ATP8A2: variants seen among roughly 807,000 people sequenced by gnomAD.
The protein encoded by ATP8A2 is phospholipid-transporting ATPase IB.
In ATP8A2, 100 loss-of-function variants were observed where a neutral mutation model predicts 165.6. The ratio of observed to expected loss-of-function variants is 0.60; its 90% CI spans 0.51 to 0.71. The LOEUF (loss-of-function observed/expected upper bound fraction) is 0.71. ATP8A2 is among the 30% of genes least tolerant of loss of function. ATP8A2 has a pLI of 0.00. For synonymous variants in ATP8A2, 543 were observed against 548.8 expected, an observed-to-expected ratio of 0.99 and a Z score of 0.15; for missense variants, 1,227 against 1,479.5, an observed-to-expected ratio of 0.83 and a Z score of 2.80.
chr13:25,819,578 T>C (rs1951115650), intron 27 of ATP8A2, among the ~76,000 whole-genome samples: 1 of 152,150 alleles, frequency 6.6e-6, no homozygotes, highest in Non-Finnish European at 1.5e-5. Flanking sequence ...TTTATAAATT[T>C]AACATTTTAA....
chr13:25,483,151 T>G (rs2036255523), intron 2 of ATP8A2, among the ~76,000 whole-genome samples: 1 of 152,160 alleles, frequency 6.6e-6, no homozygotes, highest in Admixed American at 6.5e-5. Context: ...CAGGAAGAGG[T>G]GCAGGGCTAT....
intron 35 of ATP8A2, among the ~76,000 whole-genome samples, chr13:25,991,910 G>GT (rs1483045680): frequency 4.2e-4 from 34 of 81,884 alleles, no homozygotes; most frequent in Admixed American, 1.8e-3. Context: ...TTTACTTTTA[G>GT]GTTTTTTTTT....
chr13:25,886,590 A>G (rs1351782455), intron 33 of ATP8A2, among the ~76,000 whole-genome samples: 1 of 152,214 alleles, frequency 6.6e-6, no homozygotes, highest in Non-Finnish European at 1.5e-5. Flanking sequence ...TGTGCGCTGG[A>G]TGCCGACAGC....
At chr13:25,660,604 C>A (rs2042028579) in intron 24 of ATP8A2, among the ~76,000 whole-genome samples, 1 of 151,774 alleles carries the variant, frequency 6.6e-6, no homozygotes. Context: ...TAAAAGGGTG[C>A]TCCAGGTTAA....
intron 24 of ATP8A2, among the ~76,000 whole-genome samples, chr13:25,688,063 C>T (rs2042640449): frequency 6.6e-6 from 1 of 152,188 alleles, no homozygotes; most frequent in South Asian, 2.1e-4. Flanking sequence ...GCCTGGGATA[C>T]TCACTGCCCC....
intron 25 of ATP8A2, among the ~76,000 whole-genome samples, chr13:25,739,508 AT>A (rs1381860930): frequency 1.3e-5 from 2 of 151,972 alleles, no homozygotes; most frequent in Non-Finnish European, 2.9e-5. Flanking sequence ...TTCTCTTTTT[AT>A]TTTTTTAGCA....
At chr13:25,754,684 C>G (rs944213004) in intron 25 of ATP8A2, among the ~76,000 whole-genome samples, 1 of 152,008 alleles carries the variant, frequency 6.6e-6, no homozygotes, top group African/African-American at 2.4e-5. Context: ...CAAAAAATCC[C>G]ATTTTTAATT....
intron 1 of ATP8A2, among the ~76,000 whole-genome samples, chr13:25,381,008 A>G (rs2032817996): frequency 6.6e-6 from 1 of 152,154 alleles, no homozygotes; most frequent in South Asian, 2.1e-4. Flanking sequence ...CCTTCAGTTA[A>G]TTTTGAAAAT....
chr13:25,497,141 G>A (rs1261855591), intron 2 of ATP8A2, among the ~76,000 whole-genome samples: 1 of 152,164 alleles, frequency 6.6e-6, no homozygotes, highest in South Asian at 2.1e-4. Flanking sequence ...ATCAACACAG[G>A]TTAATCACCT....
At chr13:25,921,613 C>T (rs1321646242) in intron 33 of ATP8A2, among the ~76,000 whole-genome samples, 1 of 123,224 alleles carries the variant, frequency 8.1e-6, no homozygotes, top group African/African-American at 3.1e-5. Context: ...CAGAGCTAGA[C>T]TCTGTCTCAA....
intron 33 of ATP8A2, 151 bp from the exon 34 acceptor site, chr13:25,961,424 C>G (rs532039539): frequency 1.6e-6 from 1 of 614,562 alleles, no homozygotes. Flanking sequence ...ATCCGTCCCC[C>G]TGATGGTCCT....
chr13:25,821,493 A>G (rs2138570666), intron 27 of ATP8A2, among the ~76,000 whole-genome samples: 1 of 152,302 alleles, frequency 6.6e-6, no homozygotes, highest in African/African-American at 2.4e-5. Context: ...CAGTTATAGG[A>G]ATCTGTTATT....
intron 25 of ATP8A2, among the ~76,000 whole-genome samples, chr13:25,744,918 G>A (rs2043996459): frequency 6.7e-6 from 1 of 150,026 alleles, no homozygotes; most frequent in Admixed American, 6.6e-5. Context: ...CTAGAGCAGG[G>A]GCCCAGTTTT....
At chr13:25,850,587 AC>A (rs1342182276) in intron 30 of ATP8A2, among the ~76,000 whole-genome samples, 9 of 152,100 alleles carry the variant, frequency 5.9e-5, no homozygotes, top group Non-Finnish European at 1.2e-4. Flanking sequence ...GGCTTGGGGA[AC>A]CCAACTATTC....
At chr13:25,806,163 G>A (rs1247827887) in intron 27 of ATP8A2, among the ~76,000 whole-genome samples, 1 of 152,172 alleles carries the variant, frequency 6.6e-6, no homozygotes. Context: ...ACAGGGGTAA[G>A]TTGAGGAGGC....
intron 24 of ATP8A2, among the ~76,000 whole-genome samples, chr13:25,653,725 C>T (rs936843487): frequency 2.0e-5 from 3 of 152,184 alleles, no homozygotes; most frequent in African/African-American, 7.2e-5. Flanking sequence ...TGAATGCTTG[C>T]TTCAGCAACA....
chr13:25,792,046 G>A (rs1471754427), intron 27 of ATP8A2, among the ~76,000 whole-genome samples: 1 of 152,126 alleles, frequency 6.6e-6, no homozygotes, highest in East Asian at 1.9e-4. Context: ...ACTTTTTAGA[G>A]CAGTGTGTAG....
intron 1 of ATP8A2, among the ~76,000 whole-genome samples, chr13:25,378,542 G>C (rs2032720984): frequency 6.6e-6 from 1 of 152,166 alleles, no homozygotes; most frequent in African/African-American, 2.4e-5. Flanking sequence ...TCACAGAGAA[G>C]AGAACTTTGT....
At chr13:25,759,319 C>A (rs1366002302) in intron 25 of ATP8A2, among the ~76,000 whole-genome samples, 1 of 152,164 alleles carries the variant, frequency 6.6e-6, no homozygotes, top group Non-Finnish European at 1.5e-5. Flanking sequence ...ATATATTAAG[C>A]ATCTCCGTTG....
Sources: allele counts gnomAD v4.1 joint callset (sites outside exome capture counted in the v4.1 genomes callset), GRCh38; gene constraint gnomAD v4.1.1; transcripts MANE v1.5; gene names NCBI Gene and HGNC (gene_info 2026-07-23, HGNC 2026-07-21).